UNC5A: variants seen among roughly 807,000 people sequenced by gnomAD.
UNC5A encodes netrin receptor UNC5A.
UNC5A carries 20 observed loss-of-function variants against 87.4 expected under a neutral mutation model. The observed-to-expected ratio is 0.23, with a 90% CI of 0.16 to 0.33. UNC5A has a LOEUF of 0.33. Ranked by LOEUF, UNC5A falls within the 10% of genes least tolerant of loss-of-function variation. UNC5A has a pLI of 1.00. For missense variants in UNC5A, 844 were observed against 1,133.4 expected, an observed-to-expected ratio of 0.74 and a Z score of 3.67; for synonymous variants, 438 against 482.3, an observed-to-expected ratio of 0.91 and a Z score of 1.20.
At chr5:176,835,729 A>G (rs916640566) in intron 1 of UNC5A, among the ~76,000 whole-genome samples, 328 of 145,400 alleles carry the variant, frequency 2.3e-3, no homozygotes, top group Middle Eastern at 3.5e-3. Flanking sequence ...TTGATAAAGG[A>G]TGTGTGTGTG....
In UNC5A at chr5:176,829,650, A is replaced by G. The variant is rs574950544; in HGVS notation, c.70+18830A>G. 3.3e-5 allele frequency among the ~76,000 whole-genome samples: 5 copies of G among 152,086 alleles called. No individual in the cohort carries two copies. The South Asian group carries it at 1.0e-3, about 32-fold the overall frequency. On this transcript the variant is annotated intron_variant, in intron 1 of 14. Coordinates refer to ENST00000329542, the MANE Select transcript of UNC5A (RefSeq NM_133369.3). ...GATGGATGGGTAGATAGACAAGTAGATATATGGATGGATGGATCAATGGGA... is the reference window on the plus strand; with the variant it reads ...GATGGATGGGTAGATAGACAAGTAGGTATATGGATGGATGGATCAATGGGA...
At chr5:176,815,370 C>T (rs541000364) in intron 1 of UNC5A, among the ~76,000 whole-genome samples, 134 of 152,316 alleles carry the variant, frequency 8.8e-4, no homozygotes, top group Non-Finnish European at 1.4e-3. Context: ...GGTCCTCCTG[C>T]CTTCTGGGGA....
In UNC5A at chr5:176,874,642, C is replaced by T. The variant is rs1301230569; in HGVS notation, c.1378+76C>T. 7 of 1,451,092 alleles carry T rather than the reference C, an allele frequency of 4.8e-6. No individual in the cohort carries two copies. The highest frequency in any genetic ancestry group is 2.9e-5 in the African/African-American group (2 of 69,732). 89.9% of individuals were successfully genotyped at this position (1,451,092 alleles called of 1,614,324 possible). On this transcript the variant is annotated intron_variant, in intron 8 of 14. Transcript: ENST00000329542. This position sits in a 1 kb window ranked among gnomAD's most constrained non-coding sequence, Gnocchi z 7.6. ...GGACGGGACAGCCGGACGTTCCTCTCGTGCCCCTCGGTGTCCCGTGACAGA... is the reference window on the plus strand; with the variant it reads ...GGACGGGACAGCCGGACGTTCCTCTTGTGCCCCTCGGTGTCCCGTGACAGA...
intron 1 of UNC5A, among the ~76,000 whole-genome samples, chr5:176,826,856 G>A (rs527565527): frequency 6.6e-6 from 1 of 152,088 alleles, no homozygotes; most frequent in Non-Finnish European, 1.5e-5. Flanking sequence ...TGCCAGGATG[G>A]TCTCTATCTC....
chr5:176,845,503 G>C (rs1344059964), intron 1 of UNC5A, among the ~76,000 whole-genome samples: 1 of 152,266 alleles, frequency 6.6e-6, no homozygotes, highest in Non-Finnish European at 1.5e-5. Context: ...GTGCTTGCTG[G>C]CTTCCCCTGC....
chr5:176,827,305 C>T (rs919741208), intron 1 of UNC5A, among the ~76,000 whole-genome samples: 2 of 151,386 alleles, frequency 1.3e-5, no homozygotes, highest in African/African-American at 4.8e-5. Flanking sequence ...GCCTCAGCCT[C>T]CCGAGTAGCT....
At chr5:176,853,744 C>T (rs750831572) in intron 1 of UNC5A, among the ~76,000 whole-genome samples, 8 of 152,144 alleles carry the variant, frequency 5.3e-5, no homozygotes, top group South Asian at 2.1e-4. Flanking sequence ...CACCTTCGTG[C>T]ATTCACCACA....
In UNC5A at chr5:176,870,460, C is replaced by T. The variant is rs1758081880; in HGVS notation, c.812C>T (p.Pro271Leu). The T allele has an allele frequency of 6.2e-7, 1 of 1,611,288 alleles. No individual in the cohort carries two copies. The highest frequency in any genetic ancestry group is 1.1e-5 in the South Asian group (1 of 90,994). The change falls in exon 6 of 15, where the codon CCC becomes CTC. Residue 271 changes from proline to leucine, a missense_variant. Around this residue, in one of 3 missense-constraint regions of UNC5A, gnomAD observed 314 missense variants for 466.5 expected, o/e 0.67. Coordinates refer to ENST00000329542, the MANE Select transcript of UNC5A (RefSeq NM_133369.3). ...WRSRECSDPA[P>L]RNGGEECQGT... is the part of the protein sequence containing the mutation. ...AGCCGTGAGTGCTCTGACCCAGCAC[C>T]CCGCAACGGAGGGGAGGAGTGCCAG... is the stretch of plus-strand genomic sequence containing the variant.
chr5:176,858,645 T>C (rs1757722446), intron 1 of UNC5A, among the ~76,000 whole-genome samples: 1 of 151,022 alleles, frequency 6.6e-6, no homozygotes, highest in Non-Finnish European at 1.5e-5. Flanking sequence ...CCTAGGTCCT[T>C]TGGACTGAGC....
At chr5:176,879,585 G>A (rs1758365167) in intron 14 of UNC5A, 97 bp downstream of exon 14, 1 of 1,542,862 alleles carries the variant, frequency 6.5e-7, no homozygotes, top group African/African-American at 1.4e-5. Context: ...TGTGGGGCCT[G>A]TGCCGCATCT....
intron 1 of UNC5A, among the ~76,000 whole-genome samples, chr5:176,819,837 A>G (rs1049313278): frequency 3.9e-5 from 6 of 152,230 alleles, no homozygotes; most frequent in Non-Finnish European, 7.3e-5. Flanking sequence ...GGTGGGCACA[A>G]TCATCCTCAG....
intron 1 of UNC5A, among the ~76,000 whole-genome samples, chr5:176,814,698 C>G (rs1318375818): frequency 6.6e-6 from 1 of 152,242 alleles, no homozygotes; most frequent in Non-Finnish European, 1.5e-5. Context: ...TGAGCCTCCT[C>G]CTTCTCCTCC....
At position 176,868,974 on chromosome 5, in the gene UNC5A, G is replaced by A. The variant is rs377502186; in HGVS notation, c.721+10G>A. 4.4e-6 allele frequency: 7 copies of A among 1,588,396 alleles called. No individual in the cohort carries two copies. The highest frequency in any genetic ancestry group is 2.2e-5 in the East Asian group (1 of 44,508). On this transcript the variant is annotated intron_variant, in intron 5 of 14. Transcript: ENST00000329542. ...GCTGTCATCGTCTACGGTGGGCCCC[G>A]GGACTCCCTGGTCACAGGGAGAGGC...
intron 1 of UNC5A, among the ~76,000 whole-genome samples, chr5:176,855,189 A>G (rs989156698): frequency 1.3e-4 from 20 of 152,112 alleles, no homozygotes; most frequent in African/African-American, 4.8e-4. Flanking sequence ...CTTGCTTCAG[A>G]CCTGTGAATA....
chr5:176,863,580 C>T (rs1757893839), intron 2 of UNC5A, among the ~76,000 whole-genome samples: 1 of 151,992 alleles, frequency 6.6e-6, no homozygotes, highest in Non-Finnish European at 1.5e-5. Flanking sequence ...TTCCATGAGA[C>T]ACCACATTCC....
intron 8 of UNC5A, 98 bp from the exon 9 acceptor site, chr5:176,877,094 C>A (rs1758279687): frequency 1.0e-6 from 1 of 967,788 alleles, no homozygotes; most frequent in Non-Finnish European, 1.6e-6. Context: ...GGGCTGGCAC[C>A]AGTCAGTCCT....
At chr5:176,812,143 G>A (rs575612569) in intron 1 of UNC5A, among the ~76,000 whole-genome samples, 4 of 152,150 alleles carry the variant, frequency 2.6e-5, no homozygotes, top group African/African-American at 7.2e-5. Flanking sequence ...TCCTGACCAA[G>A]CTGAGAGGCT....
chr5:176,868,305 G>T (rs113171620), intron 3 of UNC5A, 32 bp downstream of exon 3: 1 of 1,610,244 alleles, frequency 6.2e-7, no homozygotes, highest in Admixed American at 1.7e-5. Flanking sequence ...GGGGGAGGGC[G>T]CACGGCGGGA....
chr5:176,875,273 C>A lies in UNC5A; in HGVS notation c.1378+707C>A, dbSNP rs1000184745. Among the ~76,000 whole-genome samples, 2 of 152,206 alleles carry A rather than the reference C, an allele frequency of 1.3e-5. No homozygotes were observed. The highest frequency in any genetic ancestry group is 4.8e-5 in the African/African-American group (2 of 41,448). On this transcript the variant is annotated intron_variant, in intron 8 of 14. Transcript: ENST00000329542. The surrounding 1 kb of genome is among the most constrained non-coding windows in gnomAD (Gnocchi z 5.2). ...CCTGCAGTTCTCCCGGGCGACAGAA[C>A]TGTACACCCAGCTGCCTCCTGGCCA...
Sources: allele counts gnomAD v4.1 joint callset (sites outside exome capture counted in the v4.1 genomes callset), GRCh38; gene constraint gnomAD v4.1.1; regional missense constraint gnomAD v4.1.1; non-coding constraint Gnocchi (gnomAD v3.1); transcripts MANE v1.5; gene names NCBI Gene and HGNC (gene_info 2026-07-23, HGNC 2026-07-21).